MED24: variants seen among roughly 807,000 people sequenced by gnomAD.
MED24 encodes the protein mediator of RNA polymerase II transcription subunit 24.
A neutral mutation model predicts 118.8 loss-of-function variants in MED24; 74 were observed. The ratio of observed to expected loss-of-function variants is 0.62; its 90% CI spans 0.52 to 0.76. The LOEUF is 0.76. MED24 is among the 30% of genes least tolerant of loss of function. The pLI is 0.00. For missense variants in MED24, 1,041 were observed against 1,278.9 expected (o/e 0.81, Z 2.84); for synonymous variants, 521 against 523.9 (o/e 0.99, Z 0.08).
chr17:40,032,590 C>A (rs1380464713), intron 9 of MED24, 59 bp downstream of exon 9: 4 of 1,375,024 alleles, frequency 2.9e-6, no homozygotes, highest in Non-Finnish European at 4.1e-6. Flanking sequence ...TCCAGGGTGC[C>A]ACTGGTCTTG....
At chr17:40,023,551 G>A in intron 19 of MED24, 156 bp from the exon 20 acceptor site, 6 of 683,634 alleles carry the variant, frequency 8.8e-6, no homozygotes, top group Non-Finnish European at 1.2e-5. Flanking sequence ...GTATACCCCG[G>A]GGTGACCTGG....
intron 3 of MED24, among the ~76,000 whole-genome samples, chr17:40,047,039 A>G (rs1249075575): frequency 6.6e-6 from 1 of 151,914 alleles, no homozygotes; most frequent in African/African-American, 2.4e-5. Flanking sequence ...GCCCAGAAGG[A>G]TGAGGCTACA....
At position 40,020,348 on chromosome 17, in the gene MED24, G is replaced by GA; in HGVS notation, c.2628_2629insT (p.Arg877SerfsTer108). On this transcript the variant is annotated frameshift_variant, in exon 24 of 26. Coordinates refer to ENST00000394128, the MANE Select transcript of MED24 (RefSeq NM_014815.4). LOFTEE classifies it high-confidence loss of function. ...GCTGAGAGGGAGCTGCTCATGGATC[G>GA]GTCTGCTGTGGGACGGAGCAGATGG... 4 of 1,596,580 alleles carry GA rather than the reference G, an allele frequency of 2.5e-6. No homozygotes were observed. Among genetic ancestry groups the GA allele is most frequent in the Non-Finnish European group, 3.4e-6 (4 of 1,171,498 alleles).
At chr17:40,027,745 C>T in intron 15 of MED24, 164 bp downstream of exon 15, 1 of 785,846 alleles carries the variant, frequency 1.3e-6, no homozygotes, top group Non-Finnish European at 2.1e-6. Flanking sequence ...CCTTTTCCAG[C>T]ATTATCCACT....
chr17:40,040,239 C>A (rs1568170439), intron 3 of MED24, among the ~76,000 whole-genome samples: 1 of 151,850 alleles, frequency 6.6e-6, no homozygotes, highest in Non-Finnish European at 1.5e-5. Context: ...CCACCATGCC[C>A]GGCTAATTTT....
In MED24 at chr17:40,019,929, G is replaced by A. The variant is rs746055144; in HGVS notation, c.2709C>T (p.Asn903=). 3 of 1,563,740 alleles carry A rather than the reference G, an allele frequency of 1.9e-6. No homozygotes were observed. The highest frequency in any genetic ancestry group is 2.6e-6 in the Non-Finnish European group (3 of 1,153,376). ...MRDPLNRVLA[N]LFLLISSILG... Reference sequence around the variant, plus strand: ...GGATGGAGGAGATGAGCAGGAACAGGTTGGCTGTAGAGAGTGGGGGGAGAG... The same window carrying A: ...GGATGGAGGAGATGAGCAGGAACAGATTGGCTGTAGAGAGTGGGGGGAGAG... Residue 903 remains asparagine (N), a synonymous_variant, in exon 25 of 26, where the codon AAC becomes AAT. Transcript: ENST00000394128.
At chr17:40,031,322 C>T in intron 11 of MED24, 77 bp from the exon 12 acceptor site, 2 of 1,384,168 alleles carry the variant, frequency 1.4e-6, no homozygotes, top group Non-Finnish European at 2.0e-6. Context: ...GGTCCCTGAG[C>T]AGCATCCTCC....
chr17:40,053,862 G>A (rs1986083770), intron 1 of MED24: 4 of 622,470 alleles, frequency 6.4e-6, no homozygotes, highest in Non-Finnish European at 8.4e-6. Context: ...CGAGCGCAGT[G>A]GCTCGCACCT....
In MED24 at chr17:40,022,753, T is replaced by C. The variant is rs1456477086; in HGVS notation, c.2324A>G (p.Asp775Gly). 6.2e-7 allele frequency: 1 copy of C among 1,613,792 alleles called. No individual in the cohort carries two copies. Among genetic ancestry groups the C allele is most frequent in the Admixed American group, 1.7e-5 (1 of 59,996 alleles). ...VELLYSIFCLDMQQVTLVLLG... is the reference protein window; with the variant it reads ...VELLYSIFCLGMQQVTLVLLG... The stretch of plus-strand genomic sequence containing the variant: ...CAGGACCAGGGTCACTTGCTGCATG[T>C]CCAGGCAGAAGATGGAGTAGAGCAG... Residue 775 changes from aspartate (D) to glycine (G), a missense_variant, in exon 21 of 26, where the codon GAC (aspartate) becomes GGC (glycine). Asp to Gly is a moderately conservative substitution (Grantham distance 94, BLOSUM62 -1). Coordinates refer to ENST00000394128, the MANE Select transcript of MED24 (RefSeq NM_014815.4).
intron 5 of MED24, among the ~76,000 whole-genome samples, 173 bp downstream of exon 5, chr17:40,035,549 A>G (rs546927635): frequency 6.6e-6 from 1 of 152,082 alleles, no homozygotes; most frequent in African/African-American, 2.4e-5. Flanking sequence ...GAGAGGAGGC[A>G]CTCTGTCCTA....
rs773397486 is a variant in MED24, at chr17:40,031,563, A to G, written c.1042T>C (p.Leu348=). 5.0e-5 allele frequency: 80 copies of G among 1,614,074 alleles called. No homozygotes were observed. The South Asian group carries it at 7.5e-4, about 15-fold the overall frequency. ...FEFLLKLTPL[L]DKADQRCNCD... is the part of the protein sequence containing the mutation. Reference sequence around the variant, plus strand: ...TTGCAGCGCTGGTCAGCTTTGTCCAACAAGGGGGTGAGCTTCAGCAGGAAC... The same window carrying G: ...TTGCAGCGCTGGTCAGCTTTGTCCAGCAAGGGGGTGAGCTTCAGCAGGAAC... Residue 348 remains leucine (L), a synonymous_variant, in exon 11 of 26, where the codon TTG becomes CTG. Coordinates refer to ENST00000394128, the MANE Select transcript of MED24 (RefSeq NM_014815.4).
intron 3 of MED24, among the ~76,000 whole-genome samples, chr17:40,048,694 C>A (rs1207507228): frequency 1.3e-5 from 2 of 152,038 alleles, no homozygotes; most frequent in Non-Finnish European, 2.9e-5. Flanking sequence ...GCTGGGATTA[C>A]AGGTGCGCAC....
chr17:40,028,699 T>A (rs564411258), intron 14 of MED24, 127 bp downstream of exon 14: 7 of 1,315,004 alleles, frequency 5.3e-6, no homozygotes, highest in Non-Finnish European at 7.3e-6. Context: ...CCAGCCAGGA[T>A]GCTCTGCCTA....
intron 3 of MED24, 25 bp from the exon 4 acceptor site, chr17:40,036,179 C>T (rs776216535): frequency 1.9e-6 from 3 of 1,596,538 alleles, no homozygotes; most frequent in Non-Finnish European, 2.6e-6. Context: ...GAAAGATAAT[C>T]TTTAGACAAC....
At chr17:40,035,615 A>AG (rs1983846694) in intron 5 of MED24, 107 bp downstream of exon 5, 1 of 1,258,426 alleles carries the variant, frequency 7.9e-7, no homozygotes, top group South Asian at 1.4e-5. Flanking sequence ...GGGGAGAAAA[A>AG]ACGTTGGAAC....
chr17:40,046,336 G>A (rs531263041), intron 3 of MED24, among the ~76,000 whole-genome samples: 58 of 1,308 alleles, frequency 0.044, 1 homozygote, highest in South Asian at 0.062. Flanking sequence ...CGCCCGCCTC[G>A]GCCTCCCAAA....
At chr17:40,037,418 C>T (rs1014852584) in intron 3 of MED24, among the ~76,000 whole-genome samples, 2 of 152,036 alleles carry the variant, frequency 1.3e-5, no homozygotes, top group Non-Finnish European at 2.9e-5. Context: ...ACGGCGGGTG[C>T]CTGCAGTCCC....
intron 3 of MED24, among the ~76,000 whole-genome samples, chr17:40,051,112 G>GGC (rs1331987085): frequency 7.0e-6 from 1 of 141,986 alleles, no homozygotes; most frequent in Non-Finnish European, 1.5e-5. Flanking sequence ...CTCCAGCCTG[G>GGC]GCAACAAGAG....
intron 3 of MED24, among the ~76,000 whole-genome samples, chr17:40,047,673 C>A (rs1342262715): frequency 3.4e-5 from 5 of 148,010 alleles, no homozygotes; most frequent in South Asian, 4.3e-4. Context: ...TAAAAAAAAA[C>A]AAAAAAACAA....
Sources: gnomAD v4.1 joint callset for allele counts (sites outside exome capture counted in the v4.1 genomes callset) on GRCh38, gnomAD v4.1.1 for gene constraint, MANE v1.5 for transcripts, NCBI Gene and HGNC (gene_info 2026-07-23, HGNC 2026-07-21) for gene names.